MDGA2: variants seen among roughly 807,000 people sequenced by gnomAD.
The protein encoded by MDGA2 is MAM domain containing glycosylphosphatidylinositol anchor 2, also known as MAM domain-containing glycosylphosphatidylinositol anchor protein 2.
In MDGA2, 40 loss-of-function variants were observed where a neutral mutation model predicts 117.8. The observed-to-expected ratio is 0.34, with a 90% CI of 0.26 to 0.44. The LOEUF (loss-of-function observed/expected upper bound fraction) is 0.44, where lower values mean the gene tolerates loss of function less well. Among genes scored for constraint, MDGA2 ranks in the 20% least tolerant of loss-of-function variants. The probability of loss-of-function intolerance (pLI) is 1.00; values close to 1 mark genes in which losing one functional copy is unlikely to be tolerated. For synonymous variants in MDGA2, 452 were observed against 439.0 expected (o/e 1.03, Z -0.37); for missense variants, 1,123 against 1,250.6 (o/e 0.90, Z 1.54).
intron 2 of MDGA2, among the ~76,000 whole-genome samples, chr14:47,227,723 T>C (rs771300445): frequency 3.3e-5 from 5 of 152,158 alleles, no homozygotes; most frequent in Non-Finnish European, 7.3e-5. Context: ...AATACAATTA[T>C]GAATTAGACA....
At chr14:46,974,347 C>T (rs1360511120) in intron 8 of MDGA2, among the ~76,000 whole-genome samples, 2 of 152,030 alleles carry the variant, frequency 1.3e-5, no homozygotes, top group Non-Finnish European at 2.9e-5. Context: ...ATCCCAATGG[C>T]ATTTTTTTTG....
intron 1 of MDGA2, among the ~76,000 whole-genome samples, chr14:47,508,302 T>A (rs1246619318): frequency 7.3e-5 from 11 of 151,584 alleles, no homozygotes; most frequent in African/African-American, 2.7e-4. Flanking sequence ...AATATCTGAG[T>A]AATGTAGAGT....
At chr14:47,014,420 T>A (rs1006852642) in intron 8 of MDGA2, among the ~76,000 whole-genome samples, 2 of 152,224 alleles carry the variant, frequency 1.3e-5, no homozygotes, top group Non-Finnish European at 2.9e-5. Context: ...TGTCCTGCTA[T>A]GAAAATCCTA....
chr14:47,428,888 G>A (rs999247576), intron 1 of MDGA2, among the ~76,000 whole-genome samples: 1 of 151,956 alleles, frequency 6.6e-6, no homozygotes, highest in Non-Finnish European at 1.5e-5. Context: ...ACATGGAATA[G>A]TTATTTATAC....
chr14:47,054,576 T>C (rs953670790), intron 7 of MDGA2, among the ~76,000 whole-genome samples: 24 of 151,406 alleles, frequency 1.6e-4, no homozygotes, highest in African/African-American at 5.8e-4. Flanking sequence ...TTTGGTTTTT[T>C]GTCCTTGCGA....
intron 1 of MDGA2, among the ~76,000 whole-genome samples, chr14:47,449,622 T>C (rs989101676): frequency 2.0e-5 from 3 of 152,136 alleles, no homozygotes; most frequent in Non-Finnish European, 4.4e-5. Flanking sequence ...GAGAGAGCCA[T>C]ATAATACTAG....
At chr14:47,527,565 A>G (rs568530511) in intron 1 of MDGA2, among the ~76,000 whole-genome samples, 1 of 152,338 alleles carries the variant, frequency 6.6e-6, no homozygotes, top group African/African-American at 2.4e-5. Flanking sequence ...GGGGAAAGCT[A>G]AAGTATACAG....
intron 1 of MDGA2, among the ~76,000 whole-genome samples, chr14:47,303,309 A>G (rs1161231515): frequency 2.6e-5 from 4 of 152,148 alleles, no homozygotes; most frequent in Non-Finnish European, 5.9e-5. Flanking sequence ...ACTTTCTGCT[A>G]TGCATCATTT....
In MDGA2 at chr14:47,423,554, G is replaced by A. The variant is rs986373215; in HGVS notation, c.281-122004C>T. On this transcript the variant is annotated intron_variant, in intron 1 of 16. Transcript: ENST00000399232. ...TGTACTTAGTTTCCCCTATCCCCAC[G>A]CCTGTGTGTGTGTGTGTGTACTCTT... Among the ~76,000 whole-genome samples, 6 of 91,922 alleles carry A rather than the reference G, an allele frequency of 6.5e-5. 1 individual carries two copies. The highest frequency in any genetic ancestry group is 1.3e-4 in the African/African-American group (3 of 23,394). The allele number at this position is 91,922 out of a possible 152,430, so 60.3% of individuals were successfully genotyped here. A position where few individuals can be genotyped will look rare whatever the true frequency, so the allele number is the denominator to read the frequency against.
chr14:47,561,163 G>GTTTTTTTTTTTTTTTTTTTTTTTTTTT (rs1309865250), intron 1 of MDGA2, among the ~76,000 whole-genome samples: 2 of 83,880 alleles, frequency 2.4e-5, no homozygotes, highest in African/African-American at 4.2e-5. Flanking sequence ...GTTTTGTTTT[G>GTTTTTTTTTTTTTTTTTTTTTTTTTTT]TTTTTTTGTT....
chr14:47,369,439 A>T (rs1037286368), intron 1 of MDGA2, among the ~76,000 whole-genome samples: 6 of 152,126 alleles, frequency 3.9e-5, no homozygotes, highest in African/African-American at 1.2e-4. Flanking sequence ...TAAGATTGAC[A>T]CTATTTCCTA....
intron 3 of MDGA2, among the ~76,000 whole-genome samples, chr14:47,171,008 G>A (rs1251758128): frequency 2.6e-5 from 4 of 152,110 alleles, no homozygotes; most frequent in African/African-American, 7.2e-5. Context: ...TGACACATTA[G>A]ATATTGGCTT....
intron 1 of MDGA2, among the ~76,000 whole-genome samples, chr14:47,611,149 A>C (rs1430443334): frequency 6.6e-6 from 1 of 152,176 alleles, no homozygotes; most frequent in African/African-American, 2.4e-5. Flanking sequence ...ATAATTGGCA[A>C]GTCACAGGTA....
chr14:47,392,030 G>C (rs1190684893), intron 1 of MDGA2, among the ~76,000 whole-genome samples: 1 of 152,118 alleles, frequency 6.6e-6, no homozygotes, highest in South Asian at 2.1e-4. Context: ...CTGTAACAGG[G>C]TGACCTTAAA....
chr14:47,096,095 G>A (rs146571066), intron 6 of MDGA2, among the ~76,000 whole-genome samples: 1 of 151,932 alleles, frequency 6.6e-6, no homozygotes, highest in Non-Finnish European at 1.5e-5. Flanking sequence ...ATACTAGCTG[G>A]TAATGACCAC....
At chr14:46,989,924 T>G (rs147482810) in intron 8 of MDGA2, among the ~76,000 whole-genome samples, 1 of 152,122 alleles carries the variant, frequency 6.6e-6, no homozygotes, top group South Asian at 2.1e-4. Flanking sequence ...AGCATTCAAT[T>G]TATCCATATT....
intron 1 of MDGA2, among the ~76,000 whole-genome samples, chr14:47,534,606 C>T (rs184240042): frequency 6.6e-6 from 1 of 152,168 alleles, no homozygotes; most frequent in East Asian, 1.9e-4. Context: ...ATGGAAGAAA[C>T]CACCCTCATG....
rs1213131248 is a variant in MDGA2, at chr14:47,008,965, A to AT, written c.1819+26045dup. 8.5e-5 allele frequency among the ~76,000 whole-genome samples: 13 copies of AT among 152,058 alleles called. 1 individual carries two copies. The highest frequency in any genetic ancestry group is 2.6e-4 in the Admixed American group (4 of 15,216). On this transcript the variant is annotated intron_variant, in intron 8 of 16. Transcript: ENST00000399232. ...AATTAAGTGATTATCCTTTCTTTCT[A>AT]TTTTTAAAATAAGAGCATGGAAGTA...
At chr14:47,220,952 A>G (rs1040195750) in intron 2 of MDGA2, among the ~76,000 whole-genome samples, 3 of 152,228 alleles carry the variant, frequency 2.0e-5, no homozygotes, top group African/African-American at 7.2e-5. Context: ...CATGATGAAA[A>G]TATTTGAAAT....
Sources: gnomAD v4.1 joint callset for allele counts (sites outside exome capture counted in the v4.1 genomes callset) on GRCh38, gnomAD v4.1.1 for gene constraint, MANE v1.5 for transcripts, NCBI Gene and HGNC (gene_info 2026-07-23, HGNC 2026-07-21) for gene names.